CEP120: variants seen among roughly 807,000 people sequenced by gnomAD.
CEP120 encodes centrosomal protein 120.
In CEP120, 113 loss-of-function variants were observed where a neutral mutation model predicts 126.5. The ratio of observed to expected loss-of-function variants is 0.89; its 90% CI spans 0.77 to 1.04. The LOEUF (loss-of-function observed/expected upper bound fraction) is 1.04. Ranked by LOEUF, CEP120 falls within the 50% of genes least tolerant of loss-of-function variation. The pLI, the probability that CEP120 is intolerant of heterozygous loss-of-function variation, is 0.00. For synonymous variants in CEP120, 400 were observed against 394.3 expected (o/e 1.01, Z -0.17); for missense variants, 1,230 against 1,155.7 (o/e 1.06, Z -0.93).
At chr5:123,405,665 C>T (rs561335260) in intron 4 of CEP120, among the ~76,000 whole-genome samples, 5 of 152,144 alleles carry the variant, frequency 3.3e-5, no homozygotes, top group Admixed American at 3.3e-4. Flanking sequence ...GGGGCACAGG[C>T]TCAGTAAAAG....
intron 18 of CEP120, 50 bp from the exon 19 acceptor site, chr5:123,350,139 AT>A (rs751102986): frequency 4.7e-6 from 7 of 1,491,414 alleles, no homozygotes; most frequent in African/African-American, 1.4e-5. Flanking sequence ...AGGAACAAAT[AT>A]TTTATATGAC....
intron 4 of CEP120, among the ~76,000 whole-genome samples, chr5:123,405,452 C>T (rs949766653): frequency 6.6e-6 from 1 of 152,178 alleles, no homozygotes; most frequent in African/African-American, 2.4e-5. Flanking sequence ...ACAAGGCCTG[C>T]CCTCGGAGAA....
intron 18 of CEP120, among the ~76,000 whole-genome samples, chr5:123,351,704 C>CATAT (rs1769209738): frequency 6.6e-6 from 1 of 152,174 alleles, no homozygotes; most frequent in South Asian, 2.1e-4. Flanking sequence ...TTATGTTTCA[C>CATAT]ATATACCTTG....
chr5:123,382,693 GAGCAGACAA>G (rs1771731505), intron 13 of CEP120, 35 bp downstream of exon 13: 1 of 1,557,022 alleles, frequency 6.4e-7, no homozygotes, highest in African/African-American at 1.4e-5. Context: ...AAAATATACA[GAGCAGACAA>G]AGCAGATTTT....
intron 19 of CEP120, 130 bp downstream of exon 19, chr5:123,349,814 T>C (rs1457455667): frequency 1.4e-6 from 1 of 725,210 alleles, no homozygotes; most frequent in Non-Finnish European, 2.2e-6. Context: ...GGCATAGATT[T>C]TCTATTGTAT....
intron 18 of CEP120, among the ~76,000 whole-genome samples, chr5:123,360,475 A>G (rs1478600770): frequency 6.6e-6 from 1 of 151,908 alleles, no homozygotes; most frequent in Non-Finnish European, 1.5e-5. Flanking sequence ...GTTTGCAATG[A>G]AAAAGCAATG....
intron 9 of CEP120, 21 bp downstream of exon 9, chr5:123,388,411 T>C: frequency 4.1e-6 from 6 of 1,445,992 alleles, no homozygotes; most frequent in Non-Finnish European, 4.6e-6. Flanking sequence ...AATAATACTT[T>C]GAAACAAAAT....
Position 123,401,916 on chromosome 5 carries a change from T to C in CEP120, c.464-2632A>G, listed in dbSNP as rs552610018. On this transcript the variant is annotated intron_variant, in intron 4 of 19. Transcript: ENST00000306467. Reference sequence around the variant, plus strand: ...CAGCTGCCGCCTAAGGTTGTTGATGTAGCTCTTGAACATGTTGTCCATGTT... The same window carrying C: ...CAGCTGCCGCCTAAGGTTGTTGATGCAGCTCTTGAACATGTTGTCCATGTT... The C allele has an allele frequency of 7.3e-5, 113 of 1,553,666 alleles. No homozygotes were observed. The South Asian group carries it at 1.2e-3, about 16-fold the overall frequency.
chr5:123,347,934 G>A (rs1768949158), intron 19 of CEP120, among the ~76,000 whole-genome samples: 1 of 151,988 alleles, frequency 6.6e-6, no homozygotes, highest in Non-Finnish European at 1.5e-5. Flanking sequence ...TTACTGTCCT[G>A]GTCACATGCC....
chr5:123,403,799 T>A, intron 4 of CEP120: 2 of 357,146 alleles, frequency 5.6e-6, no homozygotes, highest in Non-Finnish European at 1.1e-5. Context: ...TGAAACAATC[T>A]ACAAATTAAC....
intron 19 of CEP120, among the ~76,000 whole-genome samples, chr5:123,349,219 A>G (rs1435150945): frequency 6.6e-6 from 1 of 152,192 alleles, no homozygotes; most frequent in Non-Finnish European, 1.5e-5. Flanking sequence ...CTGGAATCGG[A>G]TCTGAACTCT....
intron 1 of CEP120, among the ~76,000 whole-genome samples, chr5:123,420,581 T>A (rs1774651859): frequency 6.6e-6 from 1 of 152,166 alleles, no homozygotes; most frequent in Admixed American, 6.5e-5. Flanking sequence ...ATGTATGCCA[T>A]TCTAAGAAAT....
At chr5:123,416,642 A>G (rs1441466065) in intron 2 of CEP120, among the ~76,000 whole-genome samples, 1 of 152,124 alleles carries the variant, frequency 6.6e-6, no homozygotes, top group African/African-American at 2.4e-5. Context: ...ACTAACCTCT[A>G]CACCAACTAA....
In CEP120 at chr5:123,404,822, AT is replaced by A. The variant is rs144840064; in HGVS notation, c.464-5539del. Among the ~76,000 whole-genome samples, 59 of 152,318 alleles carry A rather than the reference AT, an allele frequency of 3.9e-4. No individual in the cohort carries two copies. The East Asian group carries it at 0.01, about 26-fold the overall frequency. Reference sequence around the variant, plus strand: ...AGCATAGTAGAATATCAATTGTATGATTTCAATTTCACTATTTGTTTCTCTC... The same window carrying A: ...AGCATAGTAGAATATCAATTGTATGATTCAATTTCACTATTTGTTTCTCTC... On this transcript the variant is annotated intron_variant, in intron 4 of 19. Transcript: ENST00000306467.
chr5:123,423,651 T>A (rs1374804236), upstream of CEP120: 1 of 152,376 alleles, frequency 6.6e-6, no homozygotes. Flanking sequence ...ACCTGCTTTA[T>A]GCTTCAGCCA....
chr5:123,398,985 T>C, intron 5 of CEP120, 151 bp downstream of exon 5: 1 of 524,050 alleles, frequency 1.9e-6, no homozygotes, highest in East Asian at 2.9e-5. Flanking sequence ...GAAGTTTTCT[T>C]TCCAGTATGA....
intron 18 of CEP120, among the ~76,000 whole-genome samples, chr5:123,352,831 T>A (rs1769287667): frequency 6.6e-6 from 1 of 152,040 alleles, no homozygotes; most frequent in Non-Finnish European, 1.5e-5. Flanking sequence ...TATGTAGGTC[T>A]TTTGATAATA....
intron 15 of CEP120, 133 bp from the exon 16 acceptor site, chr5:123,377,668 T>G (rs1771334986): frequency 1.5e-6 from 1 of 681,328 alleles, no homozygotes; most frequent in South Asian, 2.5e-5. Flanking sequence ...TTTTAGTTAT[T>G]AGAGAGTTAA....
chr5:123,352,295 GATTTTTCT>G (rs1769246587), intron 18 of CEP120, among the ~76,000 whole-genome samples: 2 of 151,924 alleles, frequency 1.3e-5, no homozygotes, highest in African/African-American at 4.8e-5. Flanking sequence ...ACATAGTTCA[GATTTTTCT>G]GTTTATTCCT....
Sources: allele counts gnomAD v4.1 joint callset (sites outside exome capture counted in the v4.1 genomes callset), GRCh38; gene constraint gnomAD v4.1.1; transcripts MANE v1.5; gene names NCBI Gene and HGNC (gene_info 2026-07-23, HGNC 2026-07-21).